The following VARS2 variants were observed in gnomAD, a reference collection of about 807,000 sequenced individuals.
VARS2 encodes valine--tRNA ligase, mitochondrial.
Under a neutral mutation model 154.1 loss-of-function variants are expected in VARS2, and 105 were observed. That is an observed-to-expected ratio of 0.68 (90% CI 0.58 to 0.80). The LOEUF (loss-of-function observed/expected upper bound fraction) is 0.80, where lower values mean the gene tolerates loss of function less well. Among genes scored for constraint, VARS2 ranks in the 30% least tolerant of loss-of-function variants. VARS2 has a pLI of 0.00. For synonymous variants in VARS2, 483 were observed against 539.5 expected (o/e 0.90, Z 1.45); for missense variants, 1,157 against 1,361.4 (o/e 0.85, Z 2.36).
At position 30,922,970 on chromosome 6, in the gene VARS2, G is replaced by A; in HGVS notation, c.2179G>A (p.Val727Ile). Residue 727 changes from valine (V) to isoleucine (I), a missense_variant, in exon 23 of 30, where the codon GTT becomes ATT. By Grantham distance (29) the Val-to-Ile change is conservative. Transcript: ENST00000676266. ...ALRFTLCSHG[V>I]QAGDLHLSVS... ...GAGATTCACACTCTGCTCCCATGGA[G>A]TTCAGGGTAAGCCTGGGCGAGGGGT... 6.2e-7 allele frequency: 1 copy of A among 1,610,078 alleles called. No homozygotes were observed.
chr6:30,914,895 G>A lies in VARS2; in HGVS notation c.59G>A (p.Arg20Gln). 1.9e-6 allele frequency: 3 copies of A among 1,612,940 alleles called. No individual in the cohort carries two copies. Among genetic ancestry groups the A allele is most frequent in the South Asian group, 1.1e-5 (1 of 91,076 alleles). ...CCATTTTGGGGGCTGAGGCACTCAC[G>A]GGGCCTCCCCAGGTTTCACTCCGTT... is the stretch of plus-strand genomic sequence containing the variant. ...RPPFWGLRHS[R>Q]GLPRFHSVST... The change falls in exon 2 of 30, where the codon CGG becomes CAG. Residue 20 changes from arginine to glutamine, a missense_variant. Transcript: ENST00000676266.
chr6:30,921,864 A>C lies in VARS2; in HGVS notation c.1736-61A>C. 5 of 1,602,400 alleles carry C rather than the reference A, an allele frequency of 3.1e-6. No individual in the cohort carries two copies. Among genetic ancestry groups the C allele is most frequent in the Non-Finnish European group, 4.3e-6 (5 of 1,171,034 alleles). On this transcript the variant is annotated intron_variant, in intron 18 of 29. Transcript: ENST00000676266. The surrounding 1 kb of genome is among the most constrained non-coding windows in gnomAD (Gnocchi z 4.6). ...GGGGTTGGCCTAGAATGGTGGCAGC[A>C]GTGGTCTGAGGTCCTAGAAGCCAAG...
intron 26 of VARS2, 42 bp downstream of exon 26, chr6:30,924,602 G>C (rs747197139): frequency 3.5e-5 from 37 of 1,061,086 alleles, no homozygotes; most frequent in African/African-American, 2.2e-4. Flanking sequence ...GGGTGAATGG[G>C]GGGGAGCACC....
chr6:30,921,647 C>T lies in VARS2; in HGVS notation c.1691C>T (p.Ala564Val), dbSNP rs143408155. The change falls in exon 18 of 30, where the codon GCG (alanine) becomes GTG (valine). Residue 564 changes from alanine to valine, a missense_variant. Ala to Val is a moderately conservative substitution (Grantham distance 64). Transcript: ENST00000676266. This position sits in a 1 kb window ranked among gnomAD's most constrained non-coding sequence, Gnocchi z 4.6. ...GAGGCTGAGGCCAGAGAGGTAGCAG[C>T]GGAACTGACAGGGAGGCCAGGGGCA... Reference protein sequence around the residue: ...RSEAEAREVAAELTGRPGAEL... With the variant: ...RSEAEAREVAVELTGRPGAEL... 5.2e-4 allele frequency: 843 copies of T among 1,609,056 alleles called. No individual in the cohort carries two copies. Among genetic ancestry groups the T allele is most frequent in the Middle Eastern group, 2.5e-3 (15 of 6,050 alleles).
In VARS2 at chr6:30,921,496, C is replaced by T; in HGVS notation, c.1633-93C>T. ...TCTCACCCCTGGGGGAACCTGGCCA[C>T]TCTAAGACCACATGAGGACGTGAAA... On this transcript the variant is annotated intron_variant, in intron 17 of 29. Transcript: ENST00000676266. The surrounding 1 kb of genome is among the most constrained non-coding windows in gnomAD (Gnocchi z 4.6). 1 of 1,495,458 alleles carries T rather than the reference C, an allele frequency of 6.7e-7. No individual in the cohort carries two copies. Among genetic ancestry groups the T allele is most frequent in the South Asian group, 1.2e-5 (1 of 83,160 alleles). The allele number at this position is 1,495,458 out of a possible 1,614,324, so 92.6% of individuals were successfully genotyped here.
chr6:30,917,880 T>C lies in VARS2; in HGVS notation c.985+74T>C. The C allele has an allele frequency of 1.4e-6, 2 of 1,421,530 alleles. No individual in the cohort carries two copies. Among genetic ancestry groups the C allele is most frequent in the Non-Finnish European group, 1.9e-6 (2 of 1,031,162 alleles). 88.1% of individuals were successfully genotyped at this position (1,421,530 alleles called of 1,614,324 possible). A position where few individuals can be genotyped will look rare whatever the true frequency, so the allele number is the denominator to read the frequency against. ...TTTTCTGAAGCCCATGTTGGGCTGC[T>C]AGGAACCCATCAGTCCATCTCTCAC... On this transcript the variant is annotated intron_variant, in intron 10 of 29. Coordinates refer to ENST00000676266, the MANE Select transcript of VARS2 (RefSeq NM_020442.6). The surrounding 1 kb of genome is among the most constrained non-coding windows in gnomAD (Gnocchi z 4.4).
At chr6:30,923,684 C>A in intron 25 of VARS2, 179 bp downstream of exon 25, 1 of 867,088 alleles carries the variant, frequency 1.2e-6, no homozygotes, top group Non-Finnish European at 1.7e-6. Context: ...CAGTGCAGCC[C>A]AGGCACTGTT....
rs760969326 is a variant in VARS2, at chr6:30,917,208, C to T, written c.857C>T (p.Ala286Val). 6 of 1,614,036 alleles carry T rather than the reference C, an allele frequency of 3.7e-6. No individual in the cohort carries two copies. The African/African-American group carries it at 8.0e-5, about 22-fold the overall frequency. ...AACTGGTCATGTGCTTTAAGATCAG[C>T]CATCTCGGACATTGAGGTGAGGCGG... ...LVNWSCALRSAISDIEVENRP... is the reference protein window; with the variant it reads ...LVNWSCALRSVISDIEVENRP... The change falls in exon 9 of 30, where the codon GCC becomes GTC. Residue 286 changes from alanine to valine, a missense_variant. Coordinates refer to ENST00000676266, the MANE Select transcript of VARS2 (RefSeq NM_020442.6). The surrounding 1 kb of genome is among the most constrained non-coding windows in gnomAD (Gnocchi z 4.4).
rs2150560619 is a variant in VARS2, at chr6:30,920,756, C to A, written c.1479+7C>A. 1 of 1,581,788 alleles carries A rather than the reference C, an allele frequency of 6.3e-7. No individual in the cohort carries two copies. Among genetic ancestry groups the A allele is most frequent in the African/African-American group, 1.3e-5 (1 of 74,448 alleles). The stretch of plus-strand genomic sequence containing the variant: ...GGGGGCCCGAGCTGCCAAGGTGAGG[C>A]TGCAGTGTAGGAAGGACTGGGGCCA... On this transcript the variant is annotated splice_region_variant and intron_variant, in intron 15 of 29. Transcript: ENST00000676266. This position sits in a 1 kb window ranked among gnomAD's most constrained non-coding sequence, Gnocchi z 4.6.
rs2150554741 is a variant in VARS2 at position 30,917,949 on chromosome 6, G to A, written c.985+143G>A. The A allele has an allele frequency of 1.5e-5, 12 of 818,438 alleles. No homozygotes were observed. Among genetic ancestry groups the A allele is most frequent in the Non-Finnish European group, 2.1e-5 (11 of 511,798 alleles). The allele number at this position is 818,438 out of a possible 1,614,324, so 50.7% of individuals were successfully genotyped here. ...CACCTCAGCGTGGGCACTTACCCAG[G>A]GTCTTCTGGGGGATGTACAAAAAGT... On this transcript the variant is annotated intron_variant, in intron 10 of 29. Transcript: ENST00000676266. The surrounding 1 kb of genome is among the most constrained non-coding windows in gnomAD (Gnocchi z 4.4).
In VARS2 at chr6:30,921,081, C is replaced by G. The variant is rs751016666; in HGVS notation, c.1496C>G (p.Ala499Gly). 3.5e-5 allele frequency: 57 copies of G among 1,613,144 alleles called. No homozygotes were observed. In the South Asian group the frequency reaches 5.6e-4, roughly 16 times the overall value. Residue 499 changes from alanine to glycine, a missense_variant, in exon 16 of 30, where the codon GCC becomes GGC. Ala to Gly is a moderately conservative substitution (Grantham distance 60). Coordinates refer to ENST00000676266, the MANE Select transcript of VARS2 (RefSeq NM_020442.6). This position sits in a 1 kb window ranked among gnomAD's most constrained non-coding sequence, Gnocchi z 4.6. ...TCTCTCCAGGCTGTGGAGTCGGGGG[C>G]CCTGGAGCTCAGTCCCTCCTTCCAC... ...ARAAKAVESG[A>G]LELSPSFHQK...
intron 1 of VARS2, 156 bp downstream of exon 1, chr6:30,914,500 C>A: frequency 3.8e-6 from 5 of 1,330,192 alleles, no homozygotes; most frequent in South Asian, 2.2e-5. Flanking sequence ...GGCGGGACTC[C>A]TTGCTGGCTC....
intron 20 of VARS2, 47 bp downstream of exon 20, chr6:30,922,288 C>A: frequency 6.3e-7 from 1 of 1,597,498 alleles, no homozygotes; most frequent in Non-Finnish European, 8.5e-7. Flanking sequence ...TCCAGTGTTC[C>A]CCAAACCTTG....
At chr6:30,922,319 T>C in intron 20 of VARS2, 78 bp downstream of exon 20, 2 of 1,596,464 alleles carry the variant, frequency 1.3e-6, no homozygotes, top group Non-Finnish European at 1.7e-6. Context: ...TAACCCCTAA[T>C]GTGGTCCTTT....
chr6:30,922,837 C>A (rs1349592111), intron 22 of VARS2, 61 bp from the exon 23 acceptor site: 2 of 1,582,772 alleles, frequency 1.3e-6, no homozygotes, highest in South Asian at 1.2e-5. Flanking sequence ...CCTCTGCAAC[C>A]CAGGTCCTGG....
At position 30,920,203 on chromosome 6, in the gene VARS2, G is replaced by A; in HGVS notation, c.1280G>A (p.Gly427Glu). ...AEDGTMTSLC[G>E]DWLQGLHRFV... ...GATGGGACCATGACCTCCCTCTGCG[G>A]GGACTGGCTGCAGGTGGTACCACCC... Residue 427 changes from glycine to glutamate, a missense_variant, in exon 13 of 30, where the codon GGG (glycine) becomes GAG (glutamate). By Grantham distance (98) the Gly-to-Glu change is moderately conservative (BLOSUM62 -2). Transcript: ENST00000676266. This position sits in a 1 kb window ranked among gnomAD's most constrained non-coding sequence, Gnocchi z 4.6. 6.3e-7 allele frequency: 1 copy of A among 1,578,046 alleles called. No homozygotes were observed. Among genetic ancestry groups the A allele is most frequent in the Non-Finnish European group, 8.6e-7 (1 of 1,161,244 alleles).
Position 30,919,421 on chromosome 6 carries a change from G to A in VARS2, c.1075-337G>A, listed in dbSNP as rs919076853. The stretch of plus-strand genomic sequence containing the variant: ...AGGATAGTCTCGATCTCCTGACCTC[G>A]TGATCTGCCCACCTCGGCCTCCCAA... On this transcript the variant is annotated intron_variant, in intron 11 of 29. Transcript: ENST00000676266. The surrounding 1 kb of genome is among the most constrained non-coding windows in gnomAD (Gnocchi z 4.5). 4 of 236,352 alleles carry A rather than the reference G, an allele frequency of 1.7e-5. No homozygotes were observed. Among genetic ancestry groups the A allele is most frequent in the Non-Finnish European group, 3.2e-5 (4 of 123,336 alleles). 14.6% of individuals were successfully genotyped at this position (236,352 alleles called of 1,614,324 possible).
In VARS2 at chr6:30,917,084, TGGACACTCA is replaced by T. The variant is rs543754724; in HGVS notation, c.754-18_754-10del. On this transcript the variant is annotated splice_polypyrimidine_tract_variant and intron_variant, in intron 8 of 29. Coordinates refer to ENST00000676266, the MANE Select transcript of VARS2 (RefSeq NM_020442.6). This position sits in a 1 kb window ranked among gnomAD's most constrained non-coding sequence, Gnocchi z 4.4. Reference sequence around the variant, plus strand: ...TGGGCTGAGAAGTGGCTCTTAGAGGTGGACACTCAGGTCATTCCAGGGCTCCTCAGTGGC... The same window carrying T: ...TGGGCTGAGAAGTGGCTCTTAGAGGTGGTCATTCCAGGGCTCCTCAGTGGC... 2.5e-5 allele frequency: 41 copies of T among 1,613,976 alleles called. No individual in the cohort carries two copies. The East Asian group carries it at 9.1e-4, about 36-fold the overall frequency.
At position 30,925,542 on chromosome 6, in the gene VARS2, A is replaced by C. The variant is rs1479371040; in HGVS notation, c.2786-2A>C. 6.3e-7 allele frequency: 1 copy of C among 1,575,618 alleles called. No individual in the cohort carries two copies. The highest frequency in any genetic ancestry group is 8.6e-7 in the Non-Finnish European group (1 of 1,165,016). On this transcript the variant is annotated splice_acceptor_variant, in intron 27 of 29. Coordinates refer to ENST00000676266, the MANE Select transcript of VARS2 (RefSeq NM_020442.6). LOFTEE classifies it high-confidence loss of function. Reference sequence around the variant, plus strand: ...TGCCCCTGACAGTTTCTTTCTTTCCAGTGCTGCTGCAGAGCTCAGAGCCTG... The same window carrying C: ...TGCCCCTGACAGTTTCTTTCTTTCCCGTGCTGCTGCAGAGCTCAGAGCCTG...
Sources: allele counts gnomAD v4.1 joint callset, GRCh38; gene constraint gnomAD v4.1.1; non-coding constraint Gnocchi (gnomAD v3.1); transcripts MANE v1.5; gene names NCBI Gene and HGNC (gene_info 2026-07-23, HGNC 2026-07-21).